Variants in ATP8A1 observed in about 807,000 individuals in gnomAD.
ATP8A1 encodes phospholipid-transporting ATPase IA.
In ATP8A1, 90 loss-of-function variants were observed where a neutral mutation model predicts 177.7. That is an observed-to-expected ratio of 0.51 (90% CI 0.43 to 0.60). The LOEUF (loss-of-function observed/expected upper bound fraction) is 0.60. Ranked by LOEUF, ATP8A1 falls within the 20% of genes least tolerant of loss-of-function variation. The probability of loss-of-function intolerance (pLI) is 0.00; values close to 1 mark genes in which losing one functional copy is unlikely to be tolerated. For synonymous variants in ATP8A1, 493 were observed against 485.9 expected (o/e 1.01, Z -0.19); for missense variants, 1,072 against 1,392.8 (o/e 0.77, Z 3.67).
intron 24 of ATP8A1, among the ~76,000 whole-genome samples, chr4:42,497,402 G>A (rs919734440): frequency 2.1e-4 from 32 of 152,152 alleles, no homozygotes; most frequent in African/African-American, 6.5e-4. Context: ...CATGGCGTGC[G>A]CCTCTCAGAA....
At chr4:42,620,250 C>T (rs1737333533) in intron 4 of ATP8A1, among the ~76,000 whole-genome samples, 1 of 152,194 alleles carries the variant, frequency 6.6e-6, no homozygotes, top group South Asian at 2.1e-4. Context: ...AACTTTCTAT[C>T]ACTTTACAGT....
intron 1 of ATP8A1, among the ~76,000 whole-genome samples, chr4:42,633,109 G>A (rs937137642): frequency 6.6e-6 from 1 of 152,210 alleles, no homozygotes; most frequent in Non-Finnish European, 1.5e-5. Context: ...GTGAAATGGT[G>A]CTTTGTGATG....
At chr4:42,463,932 A>G (rs189990436) in intron 27 of ATP8A1, among the ~76,000 whole-genome samples, 1 of 152,320 alleles carries the variant, frequency 6.6e-6, no homozygotes, top group African/African-American at 2.4e-5. Flanking sequence ...ATACCAGCAA[A>G]GCTACCTGCA....
chr4:42,605,181 C>G (rs757454243), intron 5 of ATP8A1, among the ~76,000 whole-genome samples: 1 of 152,116 alleles, frequency 6.6e-6, no homozygotes, highest in Admixed American at 6.5e-5. Flanking sequence ...TGAACTATAA[C>G]TGAATTAAAA....
chr4:42,435,223 C>G (rs747762758), intron 33 of ATP8A1, among the ~76,000 whole-genome samples: 1 of 151,586 alleles, frequency 6.6e-6, no homozygotes, highest in Non-Finnish European at 1.5e-5. Flanking sequence ...GTCAGGAGTT[C>G]GAGACCAGCC....
intron 2 of ATP8A1, 89 bp downstream of exon 2, chr4:42,626,906 C>A: frequency 4.4e-6 from 4 of 902,480 alleles, no homozygotes; most frequent in Non-Finnish European, 7.3e-6. Context: ...TAACTGACTG[C>A]ACTGAAAGCT....
At chr4:42,479,738 T>C (rs1389891522) in intron 25 of ATP8A1, among the ~76,000 whole-genome samples, 2 of 152,190 alleles carry the variant, frequency 1.3e-5, no homozygotes, top group Non-Finnish European at 2.9e-5. Context: ...AAGGTATATA[T>C]GTTTATTCAA....
At chr4:42,601,199 C>T (rs1046740070) in intron 5 of ATP8A1, among the ~76,000 whole-genome samples, 3 of 151,862 alleles carry the variant, frequency 2.0e-5, no homozygotes, top group African/African-American at 4.8e-5. Flanking sequence ...CCATGTGTGG[C>T]TAATTTTTGT....
At chr4:42,507,957 GAAC>G (rs1375322724) in intron 22 of ATP8A1, among the ~76,000 whole-genome samples, 1 of 151,992 alleles carries the variant, frequency 6.6e-6, no homozygotes, top group Non-Finnish European at 1.5e-5. Context: ...AAGAGGAAAA[GAAC>G]AACAAAGTGA....
At chr4:42,441,256 G>A (rs1034514547) in intron 33 of ATP8A1, among the ~76,000 whole-genome samples, 7 of 152,066 alleles carry the variant, frequency 4.6e-5, no homozygotes, top group African/African-American at 1.4e-4. Flanking sequence ...AAAGTTAACA[G>A]TTGAATAAGC....
rs1712474711 is a variant in ATP8A1, at chr4:42,410,528, C to G, written c.*2388G>C. The G allele has an allele frequency of 6.6e-6, 1 of 152,152 alleles. No homozygotes were observed. 9.4% of individuals were successfully genotyped at this position (152,152 alleles called of 1,614,324 possible). On this transcript the variant is annotated 3_prime_UTR_variant, in exon 37 of 37. Transcript: ENST00000381668. Reference sequence around the variant, plus strand: ...TTTCTCTAATTTAACACTGTAAAGTCACTGCAATTGCAATGTTATATTTTA... The same window carrying G: ...TTTCTCTAATTTAACACTGTAAAGTGACTGCAATTGCAATGTTATATTTTA...
At chr4:42,448,401 C>CTTTTCTTTTTTTTTTTTTTTTTTT (rs1553875016) in intron 30 of ATP8A1, among the ~76,000 whole-genome samples, 1 of 99,558 alleles carries the variant, frequency 1.0e-5, no homozygotes, top group African/African-American at 3.5e-5. Flanking sequence ...TCTTTCTTTT[C>CTTTTCTTTTTTTTTTTTTTTTTTT]TTTTTTTTTT....
chr4:42,514,911 T>C (rs1560410572), intron 22 of ATP8A1, among the ~76,000 whole-genome samples: 1 of 152,224 alleles, frequency 6.6e-6, no homozygotes, highest in African/African-American at 2.4e-5. Context: ...CTCACAAACA[T>C]TTTTGAGTAT....
chr4:42,518,851 T>G (rs74673400), intron 22 of ATP8A1, among the ~76,000 whole-genome samples: 1,541 of 152,266 alleles, frequency 0.01, 25 homozygotes, highest in African/African-American at 0.036. Context: ...TCTGGAAGAA[T>G]CTGTGGTCTG....
chr4:42,584,482 G>A (rs907930507), intron 9 of ATP8A1, among the ~76,000 whole-genome samples: 57 of 152,148 alleles, frequency 3.7e-4, no homozygotes, highest in African/African-American at 1.3e-3. Flanking sequence ...ACGTAAATAT[G>A]TTAGTGGTCA....
At chr4:42,512,473 C>T (rs1017201994) in intron 22 of ATP8A1, among the ~76,000 whole-genome samples, 6 of 152,138 alleles carry the variant, frequency 3.9e-5, no homozygotes, top group Non-Finnish European at 7.3e-5. Flanking sequence ...AAATATACTC[C>T]AAGCAGGTGC....
At chr4:42,457,817 A>AT (rs1458202431) in intron 27 of ATP8A1, among the ~76,000 whole-genome samples, 2 of 152,208 alleles carry the variant, frequency 1.3e-5, no homozygotes, top group African/African-American at 4.8e-5. Flanking sequence ...GTAAACTAAC[A>AT]TGTTTGTTTC....
intron 25 of ATP8A1, among the ~76,000 whole-genome samples, chr4:42,476,116 G>A (rs1052946882): frequency 6.6e-6 from 1 of 152,162 alleles, no homozygotes; most frequent in African/African-American, 2.4e-5. Flanking sequence ...CTAGGCTCTG[G>A]AAAGTCTGGC....
intron 5 of ATP8A1, among the ~76,000 whole-genome samples, chr4:42,608,793 T>G (rs900032763): frequency 2.2e-4 from 34 of 152,304 alleles, no homozygotes; most frequent in African/African-American, 8.2e-4. Flanking sequence ...AAGAGGAATT[T>G]TAGGTCATCA....
Sources: allele counts gnomAD v4.1 joint callset (sites outside exome capture counted in the v4.1 genomes callset), GRCh38; gene constraint gnomAD v4.1.1; transcripts MANE v1.5; gene names NCBI Gene and HGNC (gene_info 2026-07-23, HGNC 2026-07-21).